The following ARHGEF26 variants were observed in gnomAD, a reference collection of about 807,000 sequenced individuals.
ARHGEF26 encodes the protein Rho guanine nucleotide exchange factor (GEF) 26.
ARHGEF26 carries 59 observed loss-of-function variants against 89.4 expected under a neutral mutation model. The observed-to-expected ratio is 0.66, with a 90% confidence interval of 0.54 to 0.82. ARHGEF26 has a LOEUF of 0.82. Among genes scored for constraint, ARHGEF26 ranks in the 40% least tolerant of loss-of-function variants. The probability of loss-of-function intolerance (pLI) is 0.00; values close to 1 mark genes in which losing one functional copy is unlikely to be tolerated. For missense variants in ARHGEF26, 1,234 were observed against 1,085.6 expected (o/e 1.14, Z -1.92); for synonymous variants, 500 against 428.4 (o/e 1.17, Z -2.06).
intron 9 of ARHGEF26, among the ~76,000 whole-genome samples, chr3:154,214,025 C>T (rs909797281): frequency 6.6e-6 from 1 of 152,088 alleles, no homozygotes; most frequent in Non-Finnish European, 1.5e-5. Context: ...GATAAGGAGT[C>T]AGTCGGACAG....
In ARHGEF26 at chr3:154,122,305, T is replaced by G. The variant is rs1291488868; in HGVS notation, c.313T>G (p.Ser105Ala). 1.2e-6 allele frequency: 2 copies of G among 1,612,606 alleles called. No individual in the cohort carries two copies. Among genetic ancestry groups the G allele is most frequent in the South Asian group, 1.1e-5 (1 of 91,078 alleles). ...GGCATCCCCGGAGTACAGGGCTGCC[T>G]CTCCTCGACTTCGACGGCCCAAGTC... ...GTASPEYRAA[S>A]PRLRRPKSPK... is the part of the protein sequence containing the mutation. The change falls in exon 2 of 15, where the codon TCT becomes GCT. Residue 105 changes from serine to alanine, a missense_variant. By Grantham distance (99) the Ser-to-Ala change is moderately conservative (BLOSUM62 1). Transcript: ENST00000465093.
At chr3:154,164,695 T>C (rs1265212254) in intron 6 of ARHGEF26, among the ~76,000 whole-genome samples, 1 of 152,152 alleles carries the variant, frequency 6.6e-6, no homozygotes, top group African/African-American at 2.4e-5. Context: ...CAGGGCACAA[T>C]AGGAATGTTT....
rs1421856629 is a variant in ARHGEF26 at position 154,122,108 on chromosome 3, C to T, written c.116C>T (p.Ser39Phe). The T allele has an allele frequency of 2.5e-6, 4 of 1,610,014 alleles. No homozygotes were observed. The highest frequency in any genetic ancestry group is 1.7e-5 in the Admixed American group (1 of 59,442). The change falls in exon 2 of 15, where the codon TCC becomes TTC. Residue 39 changes from serine to phenylalanine, a missense_variant. Physicochemically the swap from Ser to Phe is radical, Grantham distance 155. Coordinates refer to ENST00000465093, the MANE Select transcript of ARHGEF26 (RefSeq NM_015595.4). ...GGCCGGAGCAAGCCGAGGCCCCAGT[C>T]CTACCAGAGCCCCAACGGGTTACTA... The part of the protein sequence containing the change: ...VLGRSKPRPQ[S>F]YQSPNGLLIT...
intron 10 of ARHGEF26, 50 bp downstream of exon 10, chr3:154,218,008 A>T (rs941323852): frequency 2.7e-6 from 4 of 1,467,964 alleles, no homozygotes; most frequent in Non-Finnish European, 3.7e-6. Context: ...TTTTCTCTAA[A>T]TAGAGAGAGA....
chr3:154,213,216 A>AGAGTGTGTGTGTGT (rs1553747872), intron 9 of ARHGEF26, among the ~76,000 whole-genome samples: 14 of 141,930 alleles, frequency 9.9e-5, no homozygotes, highest in African/African-American at 3.6e-4. Context: ...AGAGAGAGAG[A>AGAGTGTGTGTGTGT]GTGTGTGTGT....
At chr3:154,123,216 T>G in intron 2 of ARHGEF26, 141 bp downstream of exon 2, 1 of 1,293,212 alleles carries the variant, frequency 7.7e-7, no homozygotes, top group Non-Finnish European at 1.1e-6. Context: ...CTAGTGTACA[T>G]CCAGCTCTTG....
chr3:154,134,381 A>G (rs1445698214), intron 4 of ARHGEF26, among the ~76,000 whole-genome samples: 1 of 152,178 alleles, frequency 6.6e-6, no homozygotes, highest in African/African-American at 2.4e-5. Context: ...GTGGAAGGCC[A>G]GGAGGAGCAA....
rs575860270 is a variant in ARHGEF26, at chr3:154,232,066, C to G, written c.2090+6056C>G. On this transcript the variant is annotated intron_variant, in intron 11 of 14. Coordinates refer to ENST00000465093, the MANE Select transcript of ARHGEF26 (RefSeq NM_015595.4). ...TGTATAATTTGGATAACCTTGTTACCCACTTAAGAAGCTGTGCCTGCTCTT... is the reference window on the plus strand; with the variant it reads ...TGTATAATTTGGATAACCTTGTTACGCACTTAAGAAGCTGTGCCTGCTCTT... 1.8e-4 allele frequency among the ~76,000 whole-genome samples: 27 copies of G among 152,150 alleles called. 2 individuals are homozygous for G. Among genetic ancestry groups the G allele is most frequent in the African/African-American group, 6.0e-4 (25 of 41,474 alleles).
At chr3:154,185,474 T>A (rs1475380135) in intron 6 of ARHGEF26, among the ~76,000 whole-genome samples, 2 of 152,012 alleles carry the variant, frequency 1.3e-5, no homozygotes, top group Non-Finnish European at 2.9e-5. Context: ...ACTCTACAAT[T>A]TCTGCTTTAT....
intron 12 of ARHGEF26, among the ~76,000 whole-genome samples, chr3:154,250,107 C>T (rs766317297): frequency 1.3e-5 from 2 of 152,056 alleles, no homozygotes; most frequent in African/African-American, 2.4e-5. Context: ...CTTGGCTCAC[C>T]GCAACCTCCG....
rs947143203 is a variant in ARHGEF26 at position 154,195,698 on chromosome 3, C to T, written c.1845+980C>T. Among the ~76,000 whole-genome samples the T allele has an allele frequency of 3.9e-5, 6 of 152,220 alleles. No homozygotes were observed. In the East Asian group the frequency reaches 5.8e-4, roughly 15 times the overall value. ...TTGGGTTGTGTTGTCATTGAGATTCCTATAGAACGTCCAAGTTGGCTAAAT... is the reference window on the plus strand; with the variant it reads ...TTGGGTTGTGTTGTCATTGAGATTCTTATAGAACGTCCAAGTTGGCTAAAT... On this transcript the variant is annotated intron_variant, in intron 9 of 14. Transcript: ENST00000465093.
At chr3:154,173,662 AG>A (rs1712611841) in intron 6 of ARHGEF26, among the ~76,000 whole-genome samples, 1 of 152,212 alleles carries the variant, frequency 6.6e-6, no homozygotes, top group South Asian at 2.1e-4. Context: ...TTTCAGGAGT[AG>A]GGTACAGATT....
intron 6 of ARHGEF26, among the ~76,000 whole-genome samples, chr3:154,173,317 C>G (rs527860316): frequency 1.3e-5 from 2 of 151,112 alleles, no homozygotes; most frequent in East Asian, 3.9e-4. Context: ...TTGTCTGTCT[C>G]AGATTATGAA....
intron 6 of ARHGEF26, among the ~76,000 whole-genome samples, chr3:154,182,532 T>A (rs1212823931): frequency 3.3e-5 from 5 of 152,216 alleles, no homozygotes; most frequent in Non-Finnish European, 5.9e-5. Flanking sequence ...GTCTGCACAT[T>A]TTGTCATGGC....
intron 12 of ARHGEF26, among the ~76,000 whole-genome samples, chr3:154,243,071 T>C (rs1717573041): frequency 6.6e-6 from 1 of 152,148 alleles, no homozygotes; most frequent in African/African-American, 2.4e-5. Flanking sequence ...CCAAAAGTGG[T>C]TTAAACCTCT....
chr3:154,121,968 C>T lies in ARHGEF26; in HGVS notation c.-25C>T, dbSNP rs1042565708. ...CAAGACTAACTCGGTGTTGCTCCTC[C>T]CGGCGCTGACTTCGAGGCCCGGCTA... On this transcript the variant is annotated 5_prime_UTR_variant, in exon 2 of 15. Coordinates refer to ENST00000465093, the MANE Select transcript of ARHGEF26 (RefSeq NM_015595.4). 1.9e-6 allele frequency: 3 copies of T among 1,569,284 alleles called. No individual in the cohort carries two copies. Among genetic ancestry groups the T allele is most frequent in the East Asian group, 2.3e-5 (1 of 44,180 alleles).
rs151181058 is a variant in ARHGEF26 at position 154,175,577 on chromosome 3, A to G, written c.1488-12108A>G. Reference sequence around the variant, plus strand: ...AAAGATAAATCATACTTACTTTTTCATGAAGCTAATTGCCTCTGGTTTGTA... The same window carrying G: ...AAAGATAAATCATACTTACTTTTTCGTGAAGCTAATTGCCTCTGGTTTGTA... On this transcript the variant is annotated intron_variant, in intron 6 of 14. Transcript: ENST00000465093. Among the ~76,000 whole-genome samples the G allele has an allele frequency of 1.1e-3, 167 of 152,310 alleles. 1 individual carries two copies. The highest frequency in any genetic ancestry group is 4.0e-3 in the African/African-American group (166 of 41,566).
At chr3:154,223,704 TGA>T (rs2108257535) in intron 10 of ARHGEF26, among the ~76,000 whole-genome samples, 1 of 152,302 alleles carries the variant, frequency 6.6e-6, no homozygotes, top group East Asian at 1.9e-4. Context: ...GAGTGGCAGA[TGA>T]CTGCTCAATG....
intron 11 of ARHGEF26, among the ~76,000 whole-genome samples, chr3:154,231,805 C>T (rs896488712): frequency 1.3e-5 from 2 of 152,102 alleles, no homozygotes; most frequent in Non-Finnish European, 2.9e-5. Context: ...CCTCATGAAA[C>T]CCATGTCAGG....
Sources: allele counts gnomAD v4.1 joint callset (sites outside exome capture counted in the v4.1 genomes callset), GRCh38; gene constraint gnomAD v4.1.1; transcripts MANE v1.5; gene names NCBI Gene and HGNC (gene_info 2026-07-23, HGNC 2026-07-21).